The following ACE variants were observed in gnomAD, a reference collection of about 807,000 sequenced individuals.
The protein encoded by ACE is angiotensin I converting enzyme, also known as angiotensin-converting enzyme.
Under a neutral mutation model 162.3 loss-of-function variants are expected in ACE, and 122 were observed. That is an observed-to-expected ratio of 0.75 (90% CI 0.65 to 0.87). ACE has a LOEUF of 0.87. Ranked by LOEUF, ACE falls within the 40% of genes least tolerant of loss-of-function variation. The pLI is 0.00. For missense variants in ACE, 1,799 were observed against 1,735.1 expected (o/e 1.04, Z -0.65); for synonymous variants, 796 against 720.6 (o/e 1.10, Z -1.68).
chr17:63,497,425 C>T lies in ACE; in HGVS notation c.*59C>T. ...CTCCCACCAGAGACTGGGATGGGAA[C>T]ACTGGTGGGCAGCTGAGGACACACC... On this transcript the variant is annotated 3_prime_UTR_variant, in exon 25 of 25. Transcript: ENST00000290866. 12 of 1,445,342 alleles carry T rather than the reference C, an allele frequency of 8.3e-6. No individual in the cohort carries two copies. The highest frequency in any genetic ancestry group is 1.1e-5 in the Non-Finnish European group (12 of 1,057,486). The allele number at this position is 1,445,342 out of a possible 1,614,324, so 89.5% of individuals were successfully genotyped here.
At chr17:63,490,511 C>T (rs575001328) in intron 17 of ACE, 2 of 244,356 alleles carry the variant, frequency 8.2e-6, no homozygotes, top group South Asian at 5.4e-5. Flanking sequence ...ACTTAACTCT[C>T]CAGCCTGTTT....
chr17:63,485,673 G>A (rs1313426440), intron 13 of ACE: 1 of 382,360 alleles, frequency 2.6e-6, no homozygotes, highest in Non-Finnish European at 5.1e-6. Flanking sequence ...TACTCAGGAG[G>A]CTGAGGCAGG....
rs770016471 is a variant in ACE, at chr17:63,497,260, C to G, written c.3815C>G (p.Ala1272Gly). The change falls in exon 25 of 25, where the codon GCC (alanine) becomes GGC (glycine). Residue 1272 changes from alanine to glycine, a missense_variant. Ala to Gly is a moderately conservative substitution (Grantham distance 60). Coordinates refer to ENST00000290866, the MANE Select transcript of ACE (RefSeq NM_000789.4). ...LLFLGIALLV[A>G]TLGLSQRLFS... The stretch of plus-strand genomic sequence containing the variant: ...TTCCTGGGCATCGCCCTGCTGGTAG[C>G]CACCCTGGGCCTCAGCCAGCGGCTC... The G allele has an allele frequency of 2.6e-6, 4 of 1,568,236 alleles. No homozygotes were observed. The East Asian group carries it at 7.0e-5, about 27-fold the overall frequency.
intron 1 of ACE, chr17:63,477,690 C>T: frequency 1.8e-6 from 1 of 569,788 alleles, no homozygotes; most frequent in Non-Finnish European, 3.1e-6. Context: ...TCCATCCACC[C>T]TCCACTCGCC....
chr17:63,496,484 C>T lies in ACE; in HGVS notation c.3471C>T (p.Ile1157=). 1.2e-6 allele frequency: 2 copies of T among 1,614,190 alleles called. No homozygotes were observed. The highest frequency in any genetic ancestry group is 1.1e-5 in the South Asian group (1 of 91,084). The change falls in exon 23 of 25, where the codon ATC becomes ATT. Residue 1157 remains isoleucine, a synonymous_variant. Transcript: ENST00000290866. ...CGGGCCCCCTGCACAAGTGTGACAT[C>T]TACCAGTCCAAGGAGGCCGGGCAGC... is the stretch of plus-strand genomic sequence containing the variant. ...GHTGPLHKCD[I]YQSKEAGQRL...
Position 63,483,567 on chromosome 17 carries a change from G to GCGGGGGCCCCCCCCC in ACE, c.1586+10_1586+11insGGGGGCCCCCCCCCC. 1.9e-6 allele frequency: 3 copies of GCGGGGGCCCCCCCCC among 1,589,390 alleles called. No homozygotes were observed. Among genetic ancestry groups the GCGGGGGCCCCCCCCC allele is most frequent in the Non-Finnish European group, 2.6e-6 (3 of 1,165,564 alleles). ...GTGACACCATACATCAGGTATTAGC[G>GCGGGGGCCCCCCCCC]CCCCCACCCCACCCACCCCCAGTAC... On this transcript the variant is annotated intron_variant, in intron 10 of 24. Transcript: ENST00000290866.
chr17:63,486,697 T>C lies in ACE; in HGVS notation c.2199T>C (p.Pro733=). The change falls in exon 14 of 25, where the codon CCT becomes CCC. Residue 733 remains proline, a synonymous_variant. Transcript: ENST00000290866. ...AGGACCTAGAACGGGCAGCACTGCC[T>C]GCCCAGGAGCTGGAGGAGGTGTGTG... ...KVQDLERAAL[P]AQELEEYNKI... is the part of the protein sequence containing the mutation. The C allele has an allele frequency of 6.2e-7, 1 of 1,614,212 alleles. No individual in the cohort carries two copies. The highest frequency in any genetic ancestry group is 1.3e-5 in the African/African-American group (1 of 75,080).
intron 15 of ACE, among the ~76,000 whole-genome samples, chr17:63,488,121 G>T (rs1013396365): frequency 6.6e-6 from 1 of 152,144 alleles, no homozygotes; most frequent in African/African-American, 2.4e-5. Flanking sequence ...TGTAGTCCCA[G>T]CTACTTGGGA....
chr17:63,477,140 C>T lies in ACE; in HGVS notation c.46C>T (p.Leu16=). The stretch of plus-strand genomic sequence containing the variant: ...CCGGGGGCCGGGGCTGCTGCTGCCG[C>T]TGCCGCTGCTGTTGCTGCTGCCGCC... ...GRRGPGLLLP[L]PLLLLLPPQP... is the part of the protein sequence containing the mutation. Residue 16 remains leucine, a synonymous_variant, in exon 1 of 25, where the codon CTG becomes TTG. Transcript: ENST00000290866. 1 of 1,435,218 alleles carries T rather than the reference C, an allele frequency of 7.0e-7. No individual in the cohort carries two copies. The allele number at this position is 1,435,218 out of a possible 1,614,324, so 88.9% of individuals were successfully genotyped here.
In ACE at chr17:63,485,793, CTCAATT is replaced by C. The variant is rs2029899692; in HGVS notation, c.2058+425_2058+430del. 4.3e-5 allele frequency: 9 copies of C among 209,716 alleles called. No homozygotes were observed. In the South Asian group the frequency reaches 5.2e-4, roughly 12 times the overall value. The allele number at this position is 209,716 out of a possible 1,614,324, so 13.0% of individuals were successfully genotyped here. A position where few individuals can be genotyped will look rare whatever the true frequency, so the allele number is the denominator to read the frequency against. On this transcript the variant is annotated intron_variant, in intron 13 of 24. Transcript: ENST00000290866. The stretch of plus-strand genomic sequence containing the variant: ...CCATCAAAAAAAAAAAAAAAAAAAA[CTCAATT>C]TCAGATTTTGATGAACATTTACTCA...
At position 63,478,121 on chromosome 17, in the gene ACE, G is replaced by C. The variant is rs774282606; in HGVS notation, c.417+23G>C. The C allele has an allele frequency of 1.9e-6, 3 of 1,560,780 alleles. No individual in the cohort carries two copies. In the South Asian group the frequency reaches 3.5e-5, roughly 18 times the overall value. ...CAGGTGGGCTGAGGGCTGAGGCAGA[G>C]CTCGGGGGCGGCCTCCTAGTGCCCC... On this transcript the variant is annotated intron_variant, in intron 2 of 24. Transcript: ENST00000290866.
chr17:63,489,209 G>T, intron 17 of ACE, 77 bp downstream of exon 17: 1 of 1,530,938 alleles, frequency 6.5e-7, no homozygotes, highest in Non-Finnish European at 8.8e-7. Context: ...GGGCTGACTA[G>T]AGGGTAGGGA....
At position 63,485,223 on chromosome 17, in the gene ACE, C is replaced by G; in HGVS notation, c.1922-13C>G. 1 of 1,614,040 alleles carries G rather than the reference C, an allele frequency of 6.2e-7. No homozygotes were observed. The highest frequency in any genetic ancestry group is 8.5e-7 in the Non-Finnish European group (1 of 1,180,018). On this transcript the variant is annotated splice_polypyrimidine_tract_variant and intron_variant, in intron 12 of 24. Coordinates refer to ENST00000290866, the MANE Select transcript of ACE (RefSeq NM_000789.4). ...GCAGAGGTTTGTCTGTTTCCCTGCA[C>G]TCTGTCCCACAGACCTGGTGACTGA...
Position 63,484,927 on chromosome 17 carries a change from C to A in ACE, c.1922-309C>A, listed in dbSNP as rs532464035. The A allele has an allele frequency of 1.3e-6, 2 of 1,596,434 alleles. No individual in the cohort carries two copies. The highest frequency in any genetic ancestry group is 1.7e-6 in the Non-Finnish European group (2 of 1,171,598). On this transcript the variant is annotated intron_variant, in intron 12 of 24. Transcript: ENST00000290866. This position sits in a 1 kb window ranked among gnomAD's most constrained non-coding sequence, Gnocchi z 4.0. ...GCCTCCTCTTCCTGCTGCTCTGCTA[C>A]GGGCACCCTCTGCTGGTCCCCAGCC...
rs1235788052 is a variant in ACE, at chr17:63,491,465, C to G, written c.2912+84C>G. ...CAAGCAAAGGGTCCACTACTGTCCC[C>G]CAGCTGGAGCCAGCAGGGCAGGATG... is the stretch of plus-strand genomic sequence containing the variant. On this transcript the variant is annotated intron_variant, in intron 19 of 24. Transcript: ENST00000290866. This position sits in a 1 kb window ranked among gnomAD's most constrained non-coding sequence, Gnocchi z 4.4. The G allele has an allele frequency of 1.3e-6, 2 of 1,555,894 alleles. No homozygotes were observed. Among genetic ancestry groups the G allele is most frequent in the South Asian group, 1.1e-5 (1 of 89,456 alleles).
intron 7 of ACE, among the ~76,000 whole-genome samples, chr17:63,481,994 G>A (rs1001525772): frequency 2.6e-5 from 4 of 152,162 alleles, no homozygotes; most frequent in Non-Finnish European, 4.4e-5. Context: ...AGCCAGGGCA[G>A]GGTAAAGAAT....
Position 63,496,997 on chromosome 17 carries a change from C to A in ACE, c.3691+12C>A. ...GACGCCGAACTCCGGTACCGCCACC[C>A]ACCCCACCTCCAGCCTTGGGTCTTA... On this transcript the variant is annotated intron_variant, in intron 24 of 24. Coordinates refer to ENST00000290866, the MANE Select transcript of ACE (RefSeq NM_000789.4). The A allele has an allele frequency of 6.2e-7, 1 of 1,603,916 alleles. No individual in the cohort carries two copies.
chr17:63,490,911 A>G (rs1285147554), intron 17 of ACE, 43 bp from the exon 18 acceptor site: 3 of 1,592,666 alleles, frequency 1.9e-6, no homozygotes, highest in East Asian at 2.2e-5. Context: ...CCTAAGTAAC[A>G]TTTGTCTTTC....
At chr17:63,479,244 G>T (rs1480722121) in intron 3 of ACE, 144 bp downstream of exon 3, 1 of 731,338 alleles carries the variant, frequency 1.4e-6, no homozygotes, top group Non-Finnish European at 2.4e-6. Flanking sequence ...GCTGGACGGT[G>T]CAGATACCCC....
Sources: allele counts gnomAD v4.1 joint callset (sites outside exome capture counted in the v4.1 genomes callset), GRCh38; gene constraint gnomAD v4.1.1; non-coding constraint Gnocchi (gnomAD v3.1); transcripts MANE v1.5; gene names NCBI Gene and HGNC (gene_info 2026-07-23, HGNC 2026-07-21).